The following NOP58 variants were observed in gnomAD, a reference collection of about 807,000 sequenced individuals.
The protein encoded by NOP58 is NOP58 ribonucleoprotein.
In NOP58, 44 loss-of-function variants were observed where a neutral mutation model predicts 71.2. The ratio of observed to expected loss-of-function variants is 0.62; its 90% CI spans 0.49 to 0.79. The LOEUF is 0.79. Ranked by LOEUF, NOP58 falls within the 30% of genes least tolerant of loss-of-function variation. The probability of loss-of-function intolerance (pLI) is 0.00; values close to 1 mark genes in which losing one functional copy is unlikely to be tolerated. For missense variants in NOP58, 538 were observed against 620.2 expected, an observed-to-expected ratio of 0.87 and a Z score of 1.41; for synonymous variants, 228 against 200.3, an observed-to-expected ratio of 1.14 and a Z score of -1.17.
chr2:202,284,542 C>G, intron 5 of NOP58, 61 bp downstream of exon 5: 3 of 1,543,260 alleles, frequency 1.9e-6, no homozygotes, highest in Non-Finnish European at 2.7e-6. Context: ...TAACATAGAT[C>G]TGTTCTAAGA....
At chr2:202,266,211 G>C (rs1290017527) in intron 1 of NOP58, among the ~76,000 whole-genome samples, 3 of 152,102 alleles carry the variant, frequency 2.0e-5, no homozygotes, top group African/African-American at 7.2e-5. Context: ...ATTTCCTCCC[G>C]TTGAAGGGGT....
chr2:202,285,693 C>T (rs928995321), intron 5 of NOP58, among the ~76,000 whole-genome samples: 1 of 152,028 alleles, frequency 6.6e-6, no homozygotes, highest in Admixed American at 6.6e-5. Flanking sequence ...TTAGAAGTCC[C>T]TTAGAATAGG....
chr2:202,275,952 A>T (rs1163859328), intron 2 of NOP58, among the ~76,000 whole-genome samples: 1 of 150,118 alleles, frequency 6.7e-6, no homozygotes, highest in East Asian at 2.1e-4. Flanking sequence ...TACAGGCGTG[A>T]GCCACCACAC....
Position 202,275,139 on chromosome 2 carries a change from G to T in NOP58, c.72G>T (p.Glu24Asp). Residue 24 changes from glutamate (E) to aspartate (D), a missense_variant, in exon 2 of 15, where the codon GAG (glutamate) becomes GAT (aspartate). Physicochemically the swap from Glu to Asp is conservative, Grantham distance 45. Transcript: ENST00000264279. ...FKVLNEKKLQ[E>D]VDSLWKEFET... Reference sequence around the variant, plus strand: ...TTCTAAATGAGAAGAAACTTCAAGAGGTTGATAGTTTATGGAAAGAATTTG... The same window carrying T: ...TTCTAAATGAGAAGAAACTTCAAGATGTTGATAGTTTATGGAAAGAATTTG... The T allele has an allele frequency of 6.4e-7, 1 of 1,567,706 alleles. No individual in the cohort carries two copies. Among genetic ancestry groups the T allele is most frequent in the Non-Finnish European group, 8.7e-7 (1 of 1,148,078 alleles).
intron 13 of NOP58, among the ~76,000 whole-genome samples, chr2:202,302,092 T>C (rs866232026): frequency 2.3e-4 from 32 of 137,212 alleles, no homozygotes; most frequent in Middle Eastern, 3.8e-3. Context: ...TCTTTTTTTT[T>C]TTTTTTTTTT....
At position 202,297,895 on chromosome 2, in the gene NOP58, T is replaced by G; in HGVS notation, c.1257T>G (p.Tyr419Ter). The G allele has an allele frequency of 6.3e-7, 1 of 1,585,360 alleles. No homozygotes were observed. The highest frequency in any genetic ancestry group is 8.6e-7 in the Non-Finnish European group (1 of 1,166,892). The change falls in exon 12 of 15, where the codon TAT (tyrosine) becomes TAG (stop). Residue 419 changes from tyrosine (Y) to a stop codon, truncating the protein, a stop_gained. Transcript: ENST00000264279. LOFTEE classifies it high-confidence loss of function. ...AAGCATTAGCAAAAACAGAAAAATA[T>G]GAACACAAAAGGTGAGTACATTTAA... ...TGKALAKTEKYEHKSEVKTYD... is the reference protein window; with the variant it reads ...TGKALAKTEK
chr2:202,293,000 TTAGCTGATAACACAAAAGTAGATGA>T, intron 9 of NOP58, 97 bp downstream of exon 9: 1 of 1,311,138 alleles, frequency 7.6e-7, no homozygotes, highest in East Asian at 2.3e-5. Flanking sequence ...TAAAGAAATT[TTAGCTGATAACACAAAAGTAGATGA>T]TATGTGGGAG....
chr2:202,291,725 T>A (rs1207339277), intron 8 of NOP58, among the ~76,000 whole-genome samples: 1 of 140,766 alleles, frequency 7.1e-6, no homozygotes, highest in Non-Finnish European at 1.5e-5. Flanking sequence ...GAGAATCGCT[T>A]GAACCAGGGA....
chr2:202,286,767 G>A (rs1688793041), intron 5 of NOP58, among the ~76,000 whole-genome samples: 1 of 152,142 alleles, frequency 6.6e-6, no homozygotes, highest in Non-Finnish European at 1.5e-5. Flanking sequence ...GTAGGCATTT[G>A]TCTATGTCCA....
At chr2:202,288,135 C>T (rs1027672891) in intron 6 of NOP58, among the ~76,000 whole-genome samples, 1 of 152,060 alleles carries the variant, frequency 6.6e-6, no homozygotes. Flanking sequence ...ATGTTAAAAA[C>T]ATAAGTGCAA....
chr2:202,297,548 A>G, intron 11 of NOP58, 35 bp downstream of exon 11: 1 of 1,591,654 alleles, frequency 6.3e-7, no homozygotes. Flanking sequence ...CAGAAGTATT[A>G]CTTGTCAAAA....
At chr2:202,285,275 CA>C (rs1035461034) in intron 5 of NOP58, among the ~76,000 whole-genome samples, 17 of 151,116 alleles carry the variant, frequency 1.1e-4, no homozygotes, top group Admixed American at 9.3e-4. Context: ...CTCCTGACCT[CA>C]AATGATCCAT....
chr2:202,303,589 T>G lies in NOP58; in HGVS notation c.*153T>G. The G allele has an allele frequency of 1.1e-6, 1 of 924,726 alleles. No individual in the cohort carries two copies. The highest frequency in any genetic ancestry group is 1.5e-6 in the Non-Finnish European group (1 of 653,018). 57.3% of individuals were successfully genotyped at this position (924,726 alleles called of 1,614,324 possible). Reference sequence around the variant, plus strand: ...AACTTCAAACCTATTTGTCTTGACATCAACTCTGTTAACCTTATGTCATCA... The same window carrying G: ...AACTTCAAACCTATTTGTCTTGACAGCAACTCTGTTAACCTTATGTCATCA... On this transcript the variant is annotated 3_prime_UTR_variant, in exon 15 of 15. Coordinates refer to ENST00000264279, the MANE Select transcript of NOP58 (RefSeq NM_015934.5).
chr2:202,296,323 C>A (rs1243552655), intron 10 of NOP58, among the ~76,000 whole-genome samples: 1 of 152,066 alleles, frequency 6.6e-6, no homozygotes, highest in African/African-American at 2.4e-5. Flanking sequence ...CCTGCCTCAG[C>A]CTTCTGAGTA....
chr2:202,286,803 G>A (rs1218100571), intron 5 of NOP58, among the ~76,000 whole-genome samples: 1 of 152,202 alleles, frequency 6.6e-6, no homozygotes, highest in Non-Finnish European at 1.5e-5. Context: ...GTCACAATTG[G>A]AGGTGGGTTG....
chr2:202,277,739 T>C lies in NOP58; in HGVS notation c.123-211T>C, dbSNP rs115779759. Among the ~76,000 whole-genome samples the C allele has an allele frequency of 4.8e-3, 724 of 152,296 alleles. 9 individuals are homozygous for C. The highest frequency in any genetic ancestry group is 0.016 in the African/African-American group (672 of 41,574). ...ATTTCCTCCAAAGCCTACAACTTTC[T>C]TTTAATAATCCAAGCATTACTAGCC... On this transcript the variant is annotated intron_variant, in intron 2 of 14. Transcript: ENST00000264279.
At chr2:202,283,690 C>T (rs188685326) in intron 4 of NOP58, among the ~76,000 whole-genome samples, 31 of 149,992 alleles carry the variant, frequency 2.1e-4, no homozygotes, top group East Asian at 4.0e-4. Flanking sequence ...CCACCCGCCT[C>T]GGCCTCCCAA....
rs1688404680 is a variant in NOP58 at position 202,265,894 on chromosome 2, ACT to A, written c.-45_-44del. On this transcript the variant is annotated 5_prime_UTR_variant, in exon 1 of 15. Coordinates refer to ENST00000264279, the MANE Select transcript of NOP58 (RefSeq NM_015934.5). ...CCGCGTAGTCGGTGTTTTTGAACTG[ACT>A]CTACAGCTTCTGGCAGGCCGTGCGG... The A allele has an allele frequency of 1.2e-6, 2 of 1,612,920 alleles. No homozygotes were observed. Among genetic ancestry groups the A allele is most frequent in the Non-Finnish European group, 1.7e-6 (2 of 1,179,314 alleles).
At position 202,282,529 on chromosome 2, in the gene NOP58, T is replaced by A. The variant is rs541960936; in HGVS notation, c.297+57T>A. The A allele has an allele frequency of 1.8e-5, 28 of 1,540,000 alleles. No homozygotes were observed. In the East Asian group the frequency reaches 6.3e-4, roughly 35 times the overall value. On this transcript the variant is annotated intron_variant, in intron 4 of 14. Coordinates refer to ENST00000264279, the MANE Select transcript of NOP58 (RefSeq NM_015934.5). Reference sequence around the variant, plus strand: ...TAGTCAGATCTCACAGCATACCAACTACAAAGCCTAGCCTTTGCAATAAGT... The same window carrying A: ...TAGTCAGATCTCACAGCATACCAACAACAAAGCCTAGCCTTTGCAATAAGT...
Sources: gnomAD v4.1 joint callset for allele counts (sites outside exome capture counted in the v4.1 genomes callset) on GRCh38, gnomAD v4.1.1 for gene constraint, MANE v1.5 for transcripts, NCBI Gene and HGNC (gene_info 2026-07-23, HGNC 2026-07-21) for gene names.